The following OTOG variants were observed in gnomAD, a reference collection of about 807,000 sequenced individuals.
OTOG encodes the protein otogelin.
A neutral mutation model predicts 313.8 loss-of-function variants in OTOG; 296 were observed. That is an observed-to-expected ratio of 0.94 (90% confidence interval 0.86 to 1.04). OTOG has a LOEUF of 1.04. OTOG is among the 50% of genes least tolerant of loss of function. The pLI, the probability that OTOG is intolerant of heterozygous loss-of-function variation, is 0.00. For synonymous variants in OTOG, 1,533 were observed against 1,554.9 expected (o/e 0.99, Z 0.33); for missense variants, 3,948 against 3,840.1 (o/e 1.03, Z -0.74).
intron 34 of OTOG, 115 bp from the exon 35 acceptor site, chr11:17,609,015 A>G (rs746154662): frequency 5.1e-6 from 4 of 788,324 alleles, no homozygotes; most frequent in Non-Finnish European, 8.3e-6. Flanking sequence ...TAATAAGCAC[A>G]TGTGTGCACG....
intron 28 of OTOG, among the ~76,000 whole-genome samples, chr11:17,594,507 G>A (rs1013716616): frequency 2.0e-5 from 3 of 152,198 alleles, no homozygotes; most frequent in African/African-American, 7.2e-5. Flanking sequence ...AAGAGACCAA[G>A]AGAGACTGAG....
At chr11:17,555,950 G>T in intron 7 of OTOG, 53 bp downstream of exon 7, 1 of 1,373,248 alleles carries the variant, frequency 7.3e-7, no homozygotes, top group East Asian at 2.5e-5. Flanking sequence ...ACTGGTGGTG[G>T]TGGATGGGTG....
rs1338274637 is a variant in OTOG, at chr11:17,633,808, G to A, written c.7201G>A (p.Val2401Ile). 9.7e-6 allele frequency: 15 copies of A among 1,550,222 alleles called. No individual in the cohort carries two copies. The highest frequency in any genetic ancestry group is 1.7e-4 in the Middle Eastern group (1 of 6,008). ...EHCQVLGEGC[V>I]CSEGTILHRR... ...CTGCCAGGTGCTGGGCGAGGGCTGCGTCTGCTCCGAGGGCACCATCTTACA... is the reference window on the plus strand; with the variant it reads ...CTGCCAGGTGCTGGGCGAGGGCTGCATCTGCTCCGAGGGCACCATCTTACA... Residue 2401 changes from valine to isoleucine, a missense_variant, in exon 43 of 56, where the codon GTC becomes ATC. Coordinates refer to ENST00000399397, the MANE Select transcript of OTOG (RefSeq NM_001292063.2).
chr11:17,632,812 G>C (rs1024467074), intron 42 of OTOG, among the ~76,000 whole-genome samples: 1 of 152,136 alleles, frequency 6.6e-6, no homozygotes, highest in East Asian at 1.9e-4. Context: ...GTCCAGAAAG[G>C]CTGGGATTGG....
chr11:17,633,678 A>T lies in OTOG; in HGVS notation c.7073-2A>T. The T allele has an allele frequency of 1.3e-6, 2 of 1,524,062 alleles. No homozygotes were observed. The highest frequency in any genetic ancestry group is 1.8e-6 in the Non-Finnish European group (2 of 1,132,914). The allele number at this position is 1,524,062 out of a possible 1,614,324, so 94.4% of individuals were successfully genotyped here. On this transcript the variant is annotated splice_acceptor_variant, in intron 42 of 55. Coordinates refer to ENST00000399397, the MANE Select transcript of OTOG (RefSeq NM_001292063.2). LOFTEE classifies it high-confidence loss of function. Reference sequence around the variant, plus strand: ...GGCCTGGTGCCCACTGTGCCCCTGCAGCCTTCCTGTGCTCCAGCGACTCCA... The same window carrying T: ...GGCCTGGTGCCCACTGTGCCCCTGCTGCCTTCCTGTGCTCCAGCGACTCCA...
Position 17,610,520 on chromosome 11 carries a change from A to ACAGC in OTOG, c.5223_5226dup (p.His1743AlafsTer39). The ACAGC allele has an allele frequency of 6.5e-7, 1 of 1,549,734 alleles. No individual in the cohort carries two copies. Among genetic ancestry groups the ACAGC allele is most frequent in the Non-Finnish European group, 8.7e-7 (1 of 1,146,714 alleles). ...AGCCCATGGGCTCGCCTGCCTCCCC[A>ACAGC]CAGCCACACCCACTCCCCTCTGCAC... On this transcript the variant is annotated frameshift_variant, in exon 36 of 56. Transcript: ENST00000399397. LOFTEE classifies it high-confidence loss of function.
chr11:17,564,650 G>A (rs1276565865), intron 15 of OTOG, among the ~76,000 whole-genome samples: 1 of 152,150 alleles, frequency 6.6e-6, no homozygotes, highest in African/African-American at 2.4e-5. Flanking sequence ...AGTGGAGTGG[G>A]GACATTCACA....
intron 39 of OTOG, among the ~76,000 whole-genome samples, chr11:17,619,793 T>A (rs1853818202): frequency 6.6e-6 from 1 of 152,236 alleles, no homozygotes. Context: ...AAAGAGATTT[T>A]TAAAACAAGG....
At chr11:17,561,212 G>A (rs898405727) in intron 14 of OTOG, 75 bp downstream of exon 14, 2 of 1,506,538 alleles carry the variant, frequency 1.3e-6, no homozygotes, top group Non-Finnish European at 1.8e-6. Context: ...AATCTCTGGG[G>A]GCCAGGCTTG....
intron 44 of OTOG, 69 bp downstream of exon 44, chr11:17,634,350 C>G (rs1854207958): frequency 1.4e-6 from 2 of 1,453,260 alleles, no homozygotes; most frequent in African/African-American, 1.4e-5. Context: ...CCCTGCACAC[C>G]AACCCTGATG....
chr11:17,623,952 G>A (rs1269134220), intron 39 of OTOG, among the ~76,000 whole-genome samples: 5 of 152,176 alleles, frequency 3.3e-5, no homozygotes, highest in Non-Finnish European at 7.3e-5. Context: ...CTTCTCTTGA[G>A]AAGTGTCTGT....
chr11:17,594,488 G>C lies in OTOG; in HGVS notation c.3408+322G>C, dbSNP rs7938781. Among the ~76,000 whole-genome samples, 21,527 of 152,222 alleles carry C rather than the reference G, an allele frequency of 0.14. 1,679 individuals carry two copies. Among genetic ancestry groups the C allele is most frequent in the East Asian group, 0.2 (1,050 of 5,162 alleles). On this transcript the variant is annotated intron_variant, in intron 28 of 55. Coordinates refer to ENST00000399397, the MANE Select transcript of OTOG (RefSeq NM_001292063.2). Reference sequence around the variant, plus strand: ...CTTCCCAGTGCCTGGCACTAGGTCTGGCACAGAGAAGAGACCAAGAGAGAC... The same window carrying C: ...CTTCCCAGTGCCTGGCACTAGGTCTCGCACAGAGAAGAGACCAAGAGAGAC...
chr11:17,549,379 C>T (rs1592057827), intron 3 of OTOG, among the ~76,000 whole-genome samples: 1 of 152,178 alleles, frequency 6.6e-6, no homozygotes, highest in East Asian at 1.9e-4. Flanking sequence ...CATGAAGACC[C>T]CAAGGTGGAG....
chr11:17,596,848 C>T lies in OTOG; in HGVS notation c.3526-3C>T. On this transcript the variant is annotated splice_polypyrimidine_tract_variant and splice_region_variant and intron_variant, in intron 29 of 55. Transcript: ENST00000399397. The stretch of plus-strand genomic sequence containing the variant: ...CTGACCTCTAACTTCTGACCTTCTC[C>T]AGGTTGATGTCACTTGGTTTTACTC... 1 of 1,550,822 alleles carries T rather than the reference C, an allele frequency of 6.4e-7. No individual in the cohort carries two copies. The highest frequency in any genetic ancestry group is 8.7e-7 in the Non-Finnish European group (1 of 1,146,914).
chr11:17,633,743 C>A lies in OTOG; in HGVS notation c.7136C>A (p.Thr2379Lys). The stretch of plus-strand genomic sequence containing the variant: ...GTGACAGCCTGTGAGCCACCCAAGA[C>A]ATGCCAGGATGGGATACTAGGGCCT... ...ACVTACEPPKTCQDGILGPLD... is the reference protein window; with the variant it reads ...ACVTACEPPKKCQDGILGPLD... The change falls in exon 43 of 56, where the codon ACA becomes AAA. Residue 2379 changes from threonine to lysine, a missense_variant. By Grantham distance (78) the Thr-to-Lys change is moderately conservative. Transcript: ENST00000399397. 3 of 1,550,472 alleles carry A rather than the reference C, an allele frequency of 1.9e-6. No homozygotes were observed. The highest frequency in any genetic ancestry group is 1.7e-6 in the Non-Finnish European group (2 of 1,146,946).
At position 17,610,794 on chromosome 11, in the gene OTOG, C is replaced by A; in HGVS notation, c.5494C>A (p.Pro1832Thr). 6.4e-7 allele frequency: 1 copy of A among 1,550,436 alleles called. No homozygotes were observed. Among genetic ancestry groups the A allele is most frequent in the Non-Finnish European group, 8.7e-7 (1 of 1,147,000 alleles). ...CCCCAAAGCCTCTGTCATCACCACTCCACTCCAGCCACAGGCCACGACTCT... is the reference window on the plus strand; with the variant it reads ...CCCCAAAGCCTCTGTCATCACCACTACACTCCAGCCACAGGCCACGACTCT... ...PGPKASVITT[P>T]LQPQATTLPA... The change falls in exon 36 of 56, where the codon CCA becomes ACA. Residue 1832 changes from proline (P) to threonine (T), a missense_variant. Transcript: ENST00000399397.
In OTOG at chr11:17,610,759, C is replaced by T. The variant is rs1003490; in HGVS notation, c.5459C>T (p.Ala1820Val). ...LAKVGTSAPV[A>V]TPGPKASVIT... ...AAGGTGGGCACATCTGCCCCAGTGG[C>T]CACACCCGGCCCCAAAGCCTCTGTC... The change falls in exon 36 of 56, where the codon GCC becomes GTC. Residue 1820 changes from alanine (A) to valine (V), a missense_variant. Coordinates refer to ENST00000399397, the MANE Select transcript of OTOG (RefSeq NM_001292063.2). 0.16 allele frequency: 253,693 copies of T among 1,549,832 alleles called. 22,213 individuals carry two copies. Among genetic ancestry groups the T allele is most frequent in the Non-Finnish European group, 0.18 (209,388 of 1,146,962 alleles).
rs1485551647 is a variant in OTOG at position 17,634,864 on chromosome 11, G to A, written c.7501G>A (p.Glu2501Lys). 1.3e-6 allele frequency: 2 copies of A among 1,549,572 alleles called. No individual in the cohort carries two copies. The highest frequency in any genetic ancestry group is 1.2e-5 in the South Asian group (1 of 84,006). The change falls in exon 45 of 56, where the codon GAG becomes AAG. Residue 2501 changes from glutamate to lysine, a missense_variant. By Grantham distance (56) the Glu-to-Lys change is moderately conservative (BLOSUM62 1). Coordinates refer to ENST00000399397, the MANE Select transcript of OTOG (RefSeq NM_001292063.2). ...GCCAGTGTGTAACCAGACTCTGTGT[G>A]AGGGTCTCGCCCCCACATGCCGCCC... ...TVCVCNQTLC[E>K]GLAPTCRPGH...
At chr11:17,614,974 C>T (rs1410310262) in intron 39 of OTOG, among the ~76,000 whole-genome samples, 1 of 152,166 alleles carries the variant, frequency 6.6e-6, no homozygotes, top group East Asian at 1.9e-4. Context: ...TTTAGCATTC[C>T]CACCAGCAAT....
Sources: allele counts gnomAD v4.1 joint callset (sites outside exome capture counted in the v4.1 genomes callset), GRCh38; gene constraint gnomAD v4.1.1; transcripts MANE v1.5; gene names NCBI Gene and HGNC (gene_info 2026-07-23, HGNC 2026-07-21).